The following IFT43 variants were observed in gnomAD, a reference collection of about 807,000 sequenced individuals.
The protein encoded by IFT43 is intraflagellar transport 43, also known as intraflagellar transport protein 43 homolog.
In IFT43, 33 loss-of-function variants were observed where a neutral mutation model predicts 32.3. That is an observed-to-expected ratio of 1.02 (90% CI 0.77 to 1.37). The LOEUF (loss-of-function observed/expected upper bound fraction) is 1.37. IFT43 is among the 40% of genes most tolerant of loss of function. IFT43 has a pLI of 0.00. For missense variants in IFT43, 274 were observed against 265.9 expected (o/e 1.03, Z -0.21); for synonymous variants, 93 against 98.2 (o/e 0.95, Z 0.31).
chr14:76,059,304 C>T, intron 4 of IFT43, 23 bp from the exon 5 acceptor site: 1 of 1,613,824 alleles, frequency 6.2e-7, no homozygotes, highest in Non-Finnish European at 8.5e-7. Context: ...TTTTGCTGTC[C>T]TTTTCTTCTT....
chr14:76,080,676 C>T (rs1390396164), intron 5 of IFT43, among the ~76,000 whole-genome samples: 1 of 152,216 alleles, frequency 6.6e-6, no homozygotes, highest in African/African-American at 2.4e-5. Context: ...CTCTGTCCCT[C>T]CATAGGGCCT....
rs149947182 is a variant in IFT43, at chr14:76,041,576, T to C, written c.216-17066T>C. 9.6e-3 allele frequency among the ~76,000 whole-genome samples: 1,468 copies of C among 152,290 alleles called. 20 individuals are homozygous for C. Among genetic ancestry groups the C allele is most frequent in the African/African-American group, 0.033 (1,371 of 41,542 alleles). ...TTTTTAATAAAGTCCTTTTTAGTTG[T>C]ACAAGCAAACTGGTAGCTCTTTAAT... On this transcript the variant is annotated intron_variant, in intron 3 of 8. Transcript: ENST00000314067.
intron 3 of IFT43, among the ~76,000 whole-genome samples, chr14:76,052,181 C>T (rs917288825): frequency 1.3e-5 from 2 of 152,150 alleles, no homozygotes; most frequent in East Asian, 1.9e-4. Flanking sequence ...AATAGGTTAA[C>T]GGTGTCTAAT....
intron 5 of IFT43, among the ~76,000 whole-genome samples, chr14:76,060,419 A>G (rs1396294634): frequency 6.6e-6 from 1 of 151,972 alleles, no homozygotes; most frequent in Non-Finnish European, 1.5e-5. Flanking sequence ...GGGTTTCACC[A>G]TGTTGGCCAG....
chr14:75,991,693 G>A (rs2035646669), intron 2 of IFT43, among the ~76,000 whole-genome samples: 1 of 152,144 alleles, frequency 6.6e-6, no homozygotes, highest in African/African-American at 2.4e-5. Context: ...CAGCCATTCA[G>A]TAATACCTAC....
chr14:76,015,071 A>C (rs1385620997), intron 2 of IFT43, among the ~76,000 whole-genome samples: 1 of 152,218 alleles, frequency 6.6e-6, no homozygotes, highest in Non-Finnish European at 1.5e-5. Context: ...CCTAGTGCAC[A>C]TGGGACCAGT....
intron 2 of IFT43, among the ~76,000 whole-genome samples, chr14:75,989,701 A>T (rs1474600582): frequency 3.9e-5 from 6 of 151,978 alleles, no homozygotes; most frequent in Non-Finnish European, 5.9e-5. Context: ...TTATATGTGA[A>T]TTGTCTTTTT....
intron 3 of IFT43, among the ~76,000 whole-genome samples, chr14:76,042,681 G>A (rs2036729225): frequency 1.3e-5 from 2 of 152,204 alleles, no homozygotes; most frequent in South Asian, 4.1e-4. Flanking sequence ...GCTTAATTAG[G>A]CTAGTCATTA....
At chr14:76,063,641 A>G (rs889338583) in intron 5 of IFT43, among the ~76,000 whole-genome samples, 1 of 152,186 alleles carries the variant, frequency 6.6e-6, no homozygotes, top group Non-Finnish European at 1.5e-5. Flanking sequence ...TTTTTCCTCC[A>G]GTTTTCTAGT....
intron 3 of IFT43, among the ~76,000 whole-genome samples, chr14:76,032,918 T>G (rs1361006172): frequency 1.3e-5 from 2 of 152,140 alleles, no homozygotes; most frequent in African/African-American, 4.8e-5. Flanking sequence ...CCCACTTAGG[T>G]GTCTGGTTGG....
At chr14:76,069,657 T>C (rs1337410569) in intron 5 of IFT43, among the ~76,000 whole-genome samples, 1 of 152,226 alleles carries the variant, frequency 6.6e-6, no homozygotes, top group Non-Finnish European at 1.5e-5. Flanking sequence ...CTTTCAAAAG[T>C]TCATCTCAGA....
intron 5 of IFT43, among the ~76,000 whole-genome samples, chr14:76,074,443 C>T (rs1197276998): frequency 1.3e-5 from 2 of 152,138 alleles, no homozygotes; most frequent in African/African-American, 4.8e-5. Flanking sequence ...CAGTATCCAG[C>T]GGGCCATACT....
chr14:75,988,517 CT>C (rs11323702), intron 1 of IFT43, among the ~76,000 whole-genome samples: 131,356 of 151,792 alleles, frequency 0.87, 57,182 homozygotes, highest in African/African-American at 0.95. Context: ...GGCTTGTCAT[CT>C]TTTTTTTTGT....
In IFT43 at chr14:76,069,464, A is replaced by G. The variant is rs147353867; in HGVS notation, c.295+10091A>G. On this transcript the variant is annotated intron_variant, in intron 5 of 8. Coordinates refer to ENST00000314067, the MANE Select transcript of IFT43 (RefSeq NM_001102564.3). ...TTATGTCCCCTCTCTAACCTCTTCCAGGCCTTCTTAGTCTCTTCCAGCTCT... is the reference window on the plus strand; with the variant it reads ...TTATGTCCCCTCTCTAACCTCTTCCGGGCCTTCTTAGTCTCTTCCAGCTCT... Among the ~76,000 whole-genome samples, 22 of 152,340 alleles carry G rather than the reference A, an allele frequency of 1.4e-4. No homozygotes were observed. In the East Asian group the frequency reaches 4.2e-3, roughly 29 times the overall value.
rs748523031 is a variant in IFT43, at chr14:75,988,986, T to C, written c.147+9T>C. ...TGACTCTGACTGGAGAGGTGGGTGC[T>C]AAAAAAAAAGAAAATCTGAAGAAAT... On this transcript the variant is annotated intron_variant, in intron 2 of 8. Transcript: ENST00000314067. 16 of 1,598,532 alleles carry C rather than the reference T, an allele frequency of 1.0e-5. No individual in the cohort carries two copies. The highest frequency in any genetic ancestry group is 2.7e-5 in the African/African-American group (2 of 74,144).
chr14:76,028,629 G>A (rs1241758742), intron 3 of IFT43, among the ~76,000 whole-genome samples: 1 of 152,094 alleles, frequency 6.6e-6, no homozygotes, highest in African/African-American at 2.4e-5. Context: ...CCCTTTTGGA[G>A]TCCCCATTGT....
chr14:76,012,377 A>AT (rs2036102334), intron 2 of IFT43, among the ~76,000 whole-genome samples: 1 of 152,210 alleles, frequency 6.6e-6, no homozygotes, highest in African/African-American at 2.4e-5. Flanking sequence ...TGGTAATTCC[A>AT]GTTATTGAAT....
chr14:75,991,713 G>A (rs900811975), intron 2 of IFT43, among the ~76,000 whole-genome samples: 3 of 152,092 alleles, frequency 2.0e-5, no homozygotes, highest in Non-Finnish European at 4.4e-5. Flanking sequence ...CTTATTTCGA[G>A]GTTTACCTTT....
At chr14:76,037,997 A>G (rs1182550946) in intron 3 of IFT43, 7 of 152,252 alleles carry the variant, frequency 4.6e-5, no homozygotes, top group Non-Finnish European at 8.8e-5. Context: ...ATTGGTAAAC[A>G]CAATTTTGCT....
Sources: gnomAD v4.1 joint callset for allele counts (sites outside exome capture counted in the v4.1 genomes callset) on GRCh38, gnomAD v4.1.1 for gene constraint, MANE v1.5 for transcripts, NCBI Gene and HGNC (gene_info 2026-07-23, HGNC 2026-07-21) for gene names.